XKR4: variants seen among roughly 807,000 people sequenced by gnomAD.
XKR4 encodes XK related 4.
In XKR4, 12 loss-of-function variants were observed where a neutral mutation model predicts 53.9. The ratio of observed to expected loss-of-function variants is 0.22; its 90% CI spans 0.14 to 0.36. XKR4 has a LOEUF of 0.36. Among genes scored for constraint, XKR4 ranks in the 10% least tolerant of loss-of-function variants. XKR4 has a pLI of 1.00. For missense variants in XKR4, 799 were observed against 859.5 expected, an observed-to-expected ratio of 0.93 and a Z score of 0.88; for synonymous variants, 354 against 362.4, an observed-to-expected ratio of 0.98 and a Z score of 0.26.
chr8:55,402,063 C>T (rs1804608977), intron 2 of XKR4, among the ~76,000 whole-genome samples: 1 of 152,186 alleles, frequency 6.6e-6, no homozygotes. Flanking sequence ...TCTTGTATCT[C>T]CTTCTGTATT....
At chr8:55,480,117 A>G (rs1474202960) in intron 2 of XKR4, among the ~76,000 whole-genome samples, 2 of 152,238 alleles carry the variant, frequency 1.3e-5, no homozygotes, top group African/African-American at 4.8e-5. Context: ...ATTTTAGACC[A>G]ATATCCTTGA....
In XKR4 at chr8:55,525,230, C is replaced by G. The variant is rs953505534; in HGVS notation, c.*1003C>G. On this transcript the variant is annotated 3_prime_UTR_variant, in exon 3 of 3. Coordinates refer to ENST00000327381, the MANE Select transcript of XKR4 (RefSeq NM_052898.2). ...AGGCAGATGCTGACTCTGGAAGACTCCGTGCCACTCCTTTCTAGTGCCAAA... is the reference window on the plus strand; with the variant it reads ...AGGCAGATGCTGACTCTGGAAGACTGCGTGCCACTCCTTTCTAGTGCCAAA... The G allele has an allele frequency of 7.9e-5, 12 of 152,596 alleles. No individual in the cohort carries two copies. The highest frequency in any genetic ancestry group is 3.9e-4 in the Admixed American group (6 of 15,278). The allele number at this position is 152,596 out of a possible 1,614,324, so 9.5% of individuals were successfully genotyped here. A position where few individuals can be genotyped will look rare whatever the true frequency, so the allele number is the denominator to read the frequency against.
At chr8:55,223,321 G>A (rs1817908360) in intron 1 of XKR4, among the ~76,000 whole-genome samples, 1 of 152,124 alleles carries the variant, frequency 6.6e-6, no homozygotes, top group Non-Finnish European at 1.5e-5. Flanking sequence ...CTCTGGTTTT[G>A]TATTAGAATT....
At chr8:55,347,079 A>G (rs764152871) in intron 1 of XKR4, among the ~76,000 whole-genome samples, 1 of 152,182 alleles carries the variant, frequency 6.6e-6, no homozygotes, top group Non-Finnish European at 1.5e-5. Context: ...TTTCCCCACA[A>G]GTAATGTAAG....
chr8:55,413,644 C>T (rs1376969147), intron 2 of XKR4, among the ~76,000 whole-genome samples: 1 of 152,138 alleles, frequency 6.6e-6, no homozygotes, highest in Non-Finnish European at 1.5e-5. Flanking sequence ...TTTTTTAAAT[C>T]TCTGGTTCTG....
At chr8:55,482,238 C>A (rs1034489088) in intron 2 of XKR4, among the ~76,000 whole-genome samples, 3 of 152,042 alleles carry the variant, frequency 2.0e-5, no homozygotes, top group Admixed American at 2.0e-4. Flanking sequence ...GAGTTCATGT[C>A]CTTTGTAGGG....
chr8:55,261,960 G>C (rs34844294), intron 1 of XKR4, among the ~76,000 whole-genome samples: 21,114 of 151,930 alleles, frequency 0.14, 1,908 homozygotes, highest in Non-Finnish European at 0.2. Context: ...TCCTGGAAGA[G>C]AGATGGTTAT....
At chr8:55,165,328 T>TA (rs1817051401) in intron 1 of XKR4, among the ~76,000 whole-genome samples, 1 of 152,114 alleles carries the variant, frequency 6.6e-6, no homozygotes, top group Admixed American at 6.5e-5. Flanking sequence ...ATGACCTTCA[T>TA]ACATATTATG....
At chr8:55,511,241 C>T (rs1015611522) in intron 2 of XKR4, among the ~76,000 whole-genome samples, 3 of 151,996 alleles carry the variant, frequency 2.0e-5, no homozygotes, top group Admixed American at 2.0e-4. Context: ...GGCCAAGGAA[C>T]CAATTCTATA....
chr8:55,458,410 ACCCATGACCCCTGGAGTTAC>A (rs1805601363), intron 2 of XKR4, among the ~76,000 whole-genome samples: 2 of 151,546 alleles, frequency 1.3e-5, no homozygotes, highest in African/African-American at 4.8e-5. Context: ...TCTAGGAGTT[ACCCATGACCCCTGGAGTTAC>A]AGTATGCCCT....
At chr8:55,445,388 G>A (rs537831788) in intron 2 of XKR4, among the ~76,000 whole-genome samples, 1 of 152,278 alleles carries the variant, frequency 6.6e-6, no homozygotes, top group South Asian at 2.1e-4. Flanking sequence ...ACAATGTTGG[G>A]TGGGAGAGGC....
At chr8:55,371,247 A>G (rs1411304023) in intron 2 of XKR4, among the ~76,000 whole-genome samples, 1 of 151,978 alleles carries the variant, frequency 6.6e-6, no homozygotes, top group Admixed American at 6.6e-5. Flanking sequence ...CTGTAAGGAA[A>G]AGATAGCAAT....
At chr8:55,439,401 G>T (rs1445175111) in intron 2 of XKR4, among the ~76,000 whole-genome samples, 1 of 152,190 alleles carries the variant, frequency 6.6e-6, no homozygotes, top group African/African-American at 2.4e-5. Context: ...ACCACCATGA[G>T]TGTGAGGCAG....
intron 1 of XKR4, among the ~76,000 whole-genome samples, chr8:55,311,695 T>C (rs780271937): frequency 5.3e-5 from 8 of 152,090 alleles, no homozygotes; most frequent in Middle Eastern, 6.9e-3. Flanking sequence ...AAAAAAGTCA[T>C]TGGGGACATA....
chr8:55,349,680 C>T (rs1346902636), intron 1 of XKR4, among the ~76,000 whole-genome samples: 3 of 152,078 alleles, frequency 2.0e-5, no homozygotes, highest in Non-Finnish European at 2.9e-5. Context: ...TACACACCAA[C>T]GAATGTTAAA....
intron 1 of XKR4, among the ~76,000 whole-genome samples, chr8:55,257,057 A>C (rs1818447958): frequency 6.6e-6 from 1 of 151,822 alleles, no homozygotes; most frequent in South Asian, 2.1e-4. Flanking sequence ...TGACTTAATC[A>C]CTCCCAAAGC....
chr8:55,208,583 C>T (rs944288661), intron 1 of XKR4, among the ~76,000 whole-genome samples: 10 of 152,188 alleles, frequency 6.6e-5, no homozygotes, highest in Admixed American at 6.5e-4. Context: ...TCTCCTGCCT[C>T]AGCCTCCCAA....
At chr8:55,396,051 T>C (rs1489512150) in intron 2 of XKR4, among the ~76,000 whole-genome samples, 1 of 152,214 alleles carries the variant, frequency 6.6e-6, no homozygotes, top group Non-Finnish European at 1.5e-5. Flanking sequence ...AGTCATCCCA[T>C]TCATGGGGGT....
intron 2 of XKR4, among the ~76,000 whole-genome samples, chr8:55,360,162 G>T (rs946357313): frequency 1.3e-5 from 2 of 152,104 alleles, no homozygotes; most frequent in African/African-American, 4.8e-5. Flanking sequence ...TATTGCTACT[G>T]ATTTTTTAAC....
Sources: gnomAD v4.1 joint callset for allele counts (sites outside exome capture counted in the v4.1 genomes callset) on GRCh38, gnomAD v4.1.1 for gene constraint, MANE v1.5 for transcripts, NCBI Gene and HGNC (gene_info 2026-07-23, HGNC 2026-07-21) for gene names.